Variants in CACNB4 observed in about 807,000 individuals in gnomAD.
CACNB4 encodes calcium voltage-gated channel auxiliary subunit beta 4, also known as voltage-dependent L-type calcium channel subunit beta-4.
Under a neutral mutation model 71.2 loss-of-function variants are expected in CACNB4, and 32 were observed. The observed-to-expected ratio is 0.45, with a 90% CI of 0.34 to 0.60. CACNB4 has a LOEUF of 0.60. Ranked by LOEUF, CACNB4 falls within the 20% of genes least tolerant of loss-of-function variation. CACNB4 has a pLI of 0.01. For missense variants in CACNB4, 464 were observed against 647.9 expected (o/e 0.72, Z 3.08); for synonymous variants, 231 against 236.9 (o/e 0.97, Z 0.23).
intron 12 of CACNB4, among the ~76,000 whole-genome samples, chr2:151,843,293 T>C (rs953301486): frequency 6.6e-6 from 1 of 152,252 alleles, no homozygotes; most frequent in Non-Finnish European, 1.5e-5. Flanking sequence ...CACAGGTAAG[T>C]GTTAGCACAT....
At position 151,834,457 on chromosome 2, in the gene CACNB4, T is replaced by A. The variant is rs958120226; in HGVS notation, c.*4662A>T. ...GAGATACTTTCTAGTCTTCTCATAATGTCCCTCAATTACATGAAGCATTTA... is the reference window on the plus strand; with the variant it reads ...GAGATACTTTCTAGTCTTCTCATAAAGTCCCTCAATTACATGAAGCATTTA... On this transcript the variant is annotated 3_prime_UTR_variant, in exon 14 of 14. Transcript: ENST00000539935. 2.0e-5 allele frequency: 3 copies of A among 152,042 alleles called. No individual in the cohort carries two copies. In the East Asian group the frequency reaches 5.8e-4, roughly 29 times the overall value. The allele number at this position is 152,042 out of a possible 1,614,324, so 9.4% of individuals were successfully genotyped here. A position where few individuals can be genotyped will look rare whatever the true frequency, so the allele number is the denominator to read the frequency against.
intron 12 of CACNB4, chr2:151,851,148 G>A (rs1301255102): frequency 6.6e-6 from 1 of 152,160 alleles, no homozygotes; most frequent in African/African-American, 2.4e-5. Flanking sequence ...ACCAATCTTT[G>A]GATGACAATT....
intron 2 of CACNB4, among the ~76,000 whole-genome samples, chr2:152,074,639 CTCTATCATCA>C: frequency 8.9e-6 from 1 of 112,300 alleles, no homozygotes; most frequent in African/African-American, 4.0e-5. Flanking sequence ...CCATTACCAC[CTCTATCATCA>C]CCATCACCCC....
At chr2:152,086,786 C>T (rs979132253) in intron 2 of CACNB4, among the ~76,000 whole-genome samples, 2 of 152,206 alleles carry the variant, frequency 1.3e-5, no homozygotes, top group African/African-American at 2.4e-5. Flanking sequence ...ATGGGAGCCA[C>T]TCCAGGAAGA....
chr2:151,854,994 T>C (rs762311260), intron 11 of CACNB4: 10 of 363,632 alleles, frequency 2.8e-5, no homozygotes, highest in Non-Finnish European at 4.9e-5. Flanking sequence ...ATTATACACT[T>C]GCATAACTGT....
intron 12 of CACNB4, chr2:151,852,133 C>T (rs977488591): frequency 1.3e-5 from 2 of 152,118 alleles, no homozygotes; most frequent in African/African-American, 2.4e-5. Context: ...AGATTGAATC[C>T]TAATTTGCTA....
rs1688390637 is a variant in CACNB4, at chr2:152,098,275, C to T, written c.147+55G>A. The T allele has an allele frequency of 6.9e-7, 1 of 1,452,030 alleles. No homozygotes were observed. The highest frequency in any genetic ancestry group is 9.7e-7 in the Non-Finnish European group (1 of 1,033,932). The allele number at this position is 1,452,030 out of a possible 1,614,324, so 89.9% of individuals were successfully genotyped here. The stretch of plus-strand genomic sequence containing the variant: ...TGGGCCACGGCCGGCTCCAGGACCC[C>T]CGCGCCGCGCGCTCGGCCTCCTCCC... On this transcript the variant is annotated intron_variant, in intron 2 of 13. Coordinates refer to ENST00000539935, the MANE Select transcript of CACNB4 (RefSeq NM_000726.5). This position sits in a 1 kb window ranked among gnomAD's most constrained non-coding sequence, Gnocchi z 5.3.
chr2:151,971,694 C>T (rs2099872597), intron 2 of CACNB4: 3 of 679,446 alleles, frequency 4.4e-6, no homozygotes, highest in Admixed American at 2.1e-5. Context: ...TAACACATCA[C>T]ATTATTCTTC....
At chr2:151,960,240 G>A (rs542281968) in intron 2 of CACNB4, among the ~76,000 whole-genome samples, 1 of 152,272 alleles carries the variant, frequency 6.6e-6, no homozygotes, top group African/African-American at 2.4e-5. Context: ...CCTTCCAGGA[G>A]TAAACATCTG....
chr2:151,950,224 C>T (rs181606689), intron 2 of CACNB4, among the ~76,000 whole-genome samples: 3 of 152,110 alleles, frequency 2.0e-5, no homozygotes, highest in East Asian at 3.9e-4. Flanking sequence ...TCTGCCCCTA[C>T]ACATACAGAG....
chr2:151,856,169 G>T (rs1459731651), intron 10 of CACNB4, among the ~76,000 whole-genome samples: 1 of 147,766 alleles, frequency 6.8e-6, no homozygotes. Flanking sequence ...TTTTTTTAAG[G>T]AAAACAGATA....
intron 2 of CACNB4, among the ~76,000 whole-genome samples, chr2:151,957,534 A>G (rs62175751): frequency 0.044 from 6,632 of 152,224 alleles, 236 homozygotes; most frequent in African/African-American, 0.091. Context: ...TACCACCCCA[A>G]ATAAGTGGAC....
At chr2:152,043,374 A>G (rs755495576) in intron 2 of CACNB4, among the ~76,000 whole-genome samples, 29 of 152,136 alleles carry the variant, frequency 1.9e-4, no homozygotes, top group Non-Finnish European at 5.9e-5. Context: ...CTAGGCTGGA[A>G]TGCAGTGGCA....
chr2:151,983,675 T>TCTCACACA (rs35313966), intron 2 of CACNB4, among the ~76,000 whole-genome samples: 3,010 of 141,354 alleles, frequency 0.021, 52 homozygotes, highest in South Asian at 0.056. Flanking sequence ...TAAACTTTGG[T>TCTCACACA]CACACACACA....
chr2:152,025,235 T>C lies in CACNB4; in HGVS notation c.147+73095A>G, dbSNP rs987476214. On this transcript the variant is annotated intron_variant, in intron 2 of 13. Coordinates refer to ENST00000539935, the MANE Select transcript of CACNB4 (RefSeq NM_000726.5). ...TACCTCTGAAACCTCTTCTTTCATATGTGTAAATTAAGTTTGATAGCTTTC... is the reference window on the plus strand; with the variant it reads ...TACCTCTGAAACCTCTTCTTTCATACGTGTAAATTAAGTTTGATAGCTTTC... 2.6e-5 allele frequency among the ~76,000 whole-genome samples: 4 copies of C among 152,210 alleles called. No individual in the cohort carries two copies. In the East Asian group the frequency reaches 7.7e-4, roughly 29 times the overall value.
At chr2:151,862,435 T>C (rs1488556612) in intron 9 of CACNB4, among the ~76,000 whole-genome samples, 1 of 152,216 alleles carries the variant, frequency 6.6e-6, no homozygotes, top group Non-Finnish European at 1.5e-5. Context: ...CAGGAAGTTT[T>C]CAATTCTTAA....
At chr2:152,042,821 C>A (rs1684945259) in intron 2 of CACNB4, among the ~76,000 whole-genome samples, 1 of 152,056 alleles carries the variant, frequency 6.6e-6, no homozygotes, top group Admixed American at 6.6e-5. Context: ...TTCTTAGTTA[C>A]AGGGTAAGAC....
intron 12 of CACNB4, chr2:151,850,141 C>CTTTCTTTCTTTCT (rs1553744905): frequency 2.4e-4 from 24 of 98,164 alleles, no homozygotes; most frequent in Non-Finnish European, 3.7e-4. Flanking sequence ...TTCTTTCTTT[C>CTTTCTTTCTTTCT]TTTTTTTTTT....
intron 2 of CACNB4, among the ~76,000 whole-genome samples, chr2:151,974,469 C>A (rs949088300): frequency 2.6e-5 from 4 of 152,110 alleles, no homozygotes; most frequent in African/African-American, 9.7e-5. Flanking sequence ...AGTCTCTCTG[C>A]CTCACTGGCA....
Sources: gnomAD v4.1 joint callset for allele counts (sites outside exome capture counted in the v4.1 genomes callset) on GRCh38, gnomAD v4.1.1 for gene constraint, Gnocchi (gnomAD v3.1) non-coding constraint, MANE v1.5 for transcripts, NCBI Gene and HGNC (gene_info 2026-07-23, HGNC 2026-07-21) for gene names.